The following PLEKHH2 variants were observed in gnomAD, a reference collection of about 807,000 sequenced individuals.
The protein encoded by PLEKHH2 is pleckstrin homology, MyTH4 and FERM domain containing H2, also known as pleckstrin homology domain-containing family H member 2.
A neutral mutation model predicts 187.9 loss-of-function variants in PLEKHH2; 129 were observed. The ratio of observed to expected loss-of-function variants is 0.69; its 90% CI spans 0.59 to 0.79. The LOEUF (loss-of-function observed/expected upper bound fraction) is 0.79, where lower values mean the gene tolerates loss of function less well. PLEKHH2 is among the 30% of genes least tolerant of loss of function. The pLI, the probability that PLEKHH2 is intolerant of heterozygous loss-of-function variation, is 0.00. For missense variants in PLEKHH2, 2,076 were observed against 1,751.2 expected, an observed-to-expected ratio of 1.19 and a Z score of -3.31; for synonymous variants, 686 against 605.6, an observed-to-expected ratio of 1.13 and a Z score of -1.95.
intron 2 of PLEKHH2, among the ~76,000 whole-genome samples, chr2:43,652,745 C>G (rs577008288): frequency 6.6e-6 from 1 of 152,276 alleles, no homozygotes; most frequent in East Asian, 1.9e-4. Context: ...CATGGATGAC[C>G]AGACATCTGA....
At chr2:43,650,205 C>T (rs1216432766) in intron 2 of PLEKHH2, among the ~76,000 whole-genome samples, 3 of 128,796 alleles carry the variant, frequency 2.3e-5, no homozygotes, top group Admixed American at 9.7e-5. Flanking sequence ...GGCTGAAGTG[C>T]AGTGGTGCCT....
chr2:43,731,783 A>T (rs1286890034), intron 19 of PLEKHH2, among the ~76,000 whole-genome samples, 181 bp downstream of exon 19: 1 of 152,228 alleles, frequency 6.6e-6, no homozygotes, highest in Non-Finnish European at 1.5e-5. Context: ...ATGCTTTCTT[A>T]GTGAGGATTT....
At position 43,700,503 on chromosome 2, in the gene PLEKHH2, C is replaced by T. The variant is rs368275303; in HGVS notation, c.1545C>T (p.Asp515=). 2 of 1,614,082 alleles carry T rather than the reference C, an allele frequency of 1.2e-6. No homozygotes were observed. Among genetic ancestry groups the T allele is most frequent in the African/African-American group, 1.3e-5 (1 of 75,016 alleles). Residue 515 remains aspartate (D), a synonymous_variant, in exon 8 of 30, where the codon GAC becomes GAT. Transcript: ENST00000282406. ...TSCDDGLFSY[D]SLDSPNSDDQ... ...GTGATGATGGATTATTTTCCTATGACTCCTTGGACTCTCCAAATTCAGATG... is the reference window on the plus strand; with the variant it reads ...GTGATGATGGATTATTTTCCTATGATTCCTTGGACTCTCCAAATTCAGATG...
intron 3 of PLEKHH2, among the ~76,000 whole-genome samples, chr2:43,685,582 C>A (rs141700803): frequency 9.7e-4 from 147 of 151,704 alleles, no homozygotes; most frequent in Middle Eastern, 3.4e-3. Context: ...CATGTGCCAC[C>A]ACACCCAGTT....
At chr2:43,699,527 A>G in intron 7 of PLEKHH2, 120 bp from the exon 8 acceptor site, 2 of 1,225,914 alleles carry the variant, frequency 1.6e-6, no homozygotes, top group Non-Finnish European at 2.3e-6. Context: ...ACAGGTACAC[A>G]CCACTGCACC....
At chr2:43,718,937 A>G (rs1355692277) in intron 15 of PLEKHH2, among the ~76,000 whole-genome samples, 1 of 152,188 alleles carries the variant, frequency 6.6e-6, no homozygotes, top group Non-Finnish European at 1.5e-5. Flanking sequence ...ATTTGCTTAA[A>G]CCACAGCTTT....
intron 3 of PLEKHH2, among the ~76,000 whole-genome samples, chr2:43,686,236 G>A (rs951414705): frequency 2.7e-5 from 4 of 149,508 alleles, no homozygotes; most frequent in African/African-American, 7.4e-5. Flanking sequence ...TTGCTCTGTC[G>A]CCCAGGCTGG....
At chr2:43,680,878 T>A in intron 3 of PLEKHH2, 1 of 562,822 alleles carries the variant, frequency 1.8e-6, no homozygotes, top group East Asian at 3.6e-5. Flanking sequence ...ACATCTTCCA[T>A]TTGACAAGTA....
rs749622448 is a variant in PLEKHH2, at chr2:43,675,473, C to A, written c.124-3390C>A. The A allele has an allele frequency of 6.2e-6, 10 of 1,613,850 alleles. No homozygotes were observed. The South Asian group carries it at 1.1e-4, about 18-fold the overall frequency. ...CGGTACAGGCCATACATCATTACTT[C>A]CATCTTTTGGGGGGTCAGTCCATTG... On this transcript the variant is annotated intron_variant, in intron 2 of 29. Transcript: ENST00000282406.
At chr2:43,718,691 A>C (rs1244891714) in intron 15 of PLEKHH2, among the ~76,000 whole-genome samples, 2 of 152,186 alleles carry the variant, frequency 1.3e-5, no homozygotes, top group Non-Finnish European at 2.9e-5. Flanking sequence ...TCAGAAGTAC[A>C]CTGTCTATAG....
At position 43,754,205 on chromosome 2, in the gene PLEKHH2, C is replaced by CA. The variant is rs148172112; in HGVS notation, c.3795+449dup. 5.7e-3 allele frequency among the ~76,000 whole-genome samples: 814 copies of CA among 143,178 alleles called. 11 individuals are homozygous for CA. The highest frequency in any genetic ancestry group is 0.02 in the African/African-American group (750 of 37,470). 93.9% of individuals were successfully genotyped at this position (143,178 alleles called of 152,430 possible). ...ACACACACACACACACACACACACA[C>CA]AAAATTAATACTGACTTAATCAGAA... is the stretch of plus-strand genomic sequence containing the variant. On this transcript the variant is annotated intron_variant, in intron 25 of 29. Coordinates refer to ENST00000282406, the MANE Select transcript of PLEKHH2 (RefSeq NM_172069.4).
chr2:43,733,648 G>A (rs1185091667), intron 19 of PLEKHH2, among the ~76,000 whole-genome samples: 1 of 152,078 alleles, frequency 6.6e-6, no homozygotes, highest in Non-Finnish European at 1.5e-5. Flanking sequence ...TTATCAACTG[G>A]AGATCCAGCC....
At chr2:43,706,767 G>A (rs762439725) in intron 10 of PLEKHH2, among the ~76,000 whole-genome samples, 19 of 152,270 alleles carry the variant, frequency 1.2e-4, no homozygotes, top group South Asian at 2.1e-4. Context: ...TTCCTTGCTT[G>A]AAGTATTAAT....
Position 43,665,889 on chromosome 2 carries a change from GGGAC to G in PLEKHH2, c.124-12973_124-12970del, listed in dbSNP as rs1478124428. Among the ~76,000 whole-genome samples, 192 of 126,326 alleles carry G rather than the reference GGGAC, an allele frequency of 1.5e-3. 1 individual carries two copies. Among genetic ancestry groups the G allele is most frequent in the African/African-American group, 5.9e-3 (182 of 30,854 alleles). The allele number at this position is 126,326 out of a possible 152,430, so 82.9% of individuals were successfully genotyped here. ...CTGCTCTCTTCAAAGCTGTCAGACA[GGGAC>G]ATTTAAGTCTGCAGAGGTTACTGCT... is the stretch of plus-strand genomic sequence containing the variant. On this transcript the variant is annotated intron_variant, in intron 2 of 29. Coordinates refer to ENST00000282406, the MANE Select transcript of PLEKHH2 (RefSeq NM_172069.4).
chr2:43,740,812 A>C, intron 20 of PLEKHH2, 134 bp from the exon 21 acceptor site: 1 of 1,384,886 alleles, frequency 7.2e-7, no homozygotes, highest in Non-Finnish European at 9.4e-7. Flanking sequence ...AATGCTGTAA[A>C]CAGATCATGC....
intron 11 of PLEKHH2, among the ~76,000 whole-genome samples, chr2:43,709,641 TC>T (rs1221055259): frequency 2.0e-5 from 3 of 152,108 alleles, no homozygotes; most frequent in Admixed American, 2.0e-4. Context: ...ATCGAGACCA[TC>T]CTGGCCAACA....
intron 16 of PLEKHH2, among the ~76,000 whole-genome samples, chr2:43,725,505 G>A (rs1670696280): frequency 6.6e-6 from 1 of 152,140 alleles, no homozygotes; most frequent in Non-Finnish European, 1.5e-5. Flanking sequence ...TAGAAGAGAA[G>A]TGATTTCCTT....
chr2:43,695,231 ATACTT>A lies in PLEKHH2; in HGVS notation c.502+12_502+16del, dbSNP rs763985353. ...ATGCAGTCAAAACTACAAGGTACAA[ATACTT>A]TACTAAGATAGCTTAGTTGGATTTA... On this transcript the variant is annotated splice_region_variant and intron_variant, in intron 6 of 29. Coordinates refer to ENST00000282406, the MANE Select transcript of PLEKHH2 (RefSeq NM_172069.4). The A allele has an allele frequency of 2.0e-6, 3 of 1,530,310 alleles. No individual in the cohort carries two copies. The African/African-American group carries it at 4.1e-5, about 21-fold the overall frequency. The allele number at this position is 1,530,310 out of a possible 1,614,324, so 94.8% of individuals were successfully genotyped here.
intron 1 of PLEKHH2, among the ~76,000 whole-genome samples, chr2:43,639,192 C>A (rs1345481851): frequency 6.6e-6 from 1 of 152,114 alleles, no homozygotes; most frequent in East Asian, 1.9e-4. Flanking sequence ...TAAATGCAGT[C>A]CTAGTATACA....
Sources: gnomAD v4.1 joint callset for allele counts (sites outside exome capture counted in the v4.1 genomes callset) on GRCh38, gnomAD v4.1.1 for gene constraint, MANE v1.5 for transcripts, NCBI Gene and HGNC (gene_info 2026-07-23, HGNC 2026-07-21) for gene names.